EYA3: variants seen among roughly 807,000 people sequenced by gnomAD.
EYA3 encodes the protein EYA transcriptional coactivator and phosphatase 3.
EYA3 carries 39 observed loss-of-function variants against 80.0 expected under a neutral mutation model. That is an observed-to-expected ratio of 0.49 (90% CI 0.38 to 0.64). The LOEUF is 0.64. EYA3 is among the 30% of genes least tolerant of loss of function. EYA3 has a pLI of 0.00. For missense variants in EYA3, 523 were observed against 676.1 expected (o/e 0.77, Z 2.51); for synonymous variants, 206 against 232.8 (o/e 0.88, Z 1.05).
rs1045711385 is a variant in EYA3 at position 28,003,460 on chromosome 1, ACT to A, written c.993+874_993+875del. 2.6e-5 allele frequency among the ~76,000 whole-genome samples: 4 copies of A among 151,234 alleles called. No homozygotes were observed. The East Asian group carries it at 5.8e-4, about 22-fold the overall frequency. The stretch of plus-strand genomic sequence containing the variant: ...CTCCAGCCTGGGTGACAAGAGCAAG[ACT>A]CTCTCTCAAAAAACAAACAAACAAA... On this transcript the variant is annotated intron_variant, in intron 11 of 17. Transcript: ENST00000373871.
intron 6 of EYA3, among the ~76,000 whole-genome samples, chr1:28,028,777 G>T (rs779075190): frequency 2.4e-4 from 36 of 149,612 alleles, no homozygotes; most frequent in Admixed American, 4.0e-4. Flanking sequence ...GTGATTTTTT[G>T]TTGTTGTTGT....
chr1:28,007,103 G>C (rs907831629), intron 10 of EYA3, among the ~76,000 whole-genome samples: 1 of 151,404 alleles, frequency 6.6e-6, no homozygotes, highest in Non-Finnish European at 1.5e-5. Context: ...ACCAGGTCCG[G>C]CTAATTTTTT....
chr1:28,075,587 T>C (rs952184613), intron 1 of EYA3, among the ~76,000 whole-genome samples: 7 of 152,186 alleles, frequency 4.6e-5, no homozygotes, highest in Non-Finnish European at 1.0e-4. Context: ...TTGGAGGCTG[T>C]TGGTTTTCAA....
rs1055795348 is a variant in EYA3, at chr1:27,972,542, G to C, written c.*1924C>G. 6.6e-6 allele frequency: 1 copy of C among 152,258 alleles called. No homozygotes were observed. 9.4% of individuals were successfully genotyped at this position (152,258 alleles called of 1,614,324 possible). ...GCATTGGAAGGAGTCTTGCCTCTTT[G>C]TGCTGCAACATCTCTGGAAATGGGT... On this transcript the variant is annotated 3_prime_UTR_variant, in exon 18 of 18. Transcript: ENST00000373871.
intron 3 of EYA3, among the ~76,000 whole-genome samples, chr1:28,043,716 T>C (rs1643900908): frequency 6.6e-6 from 1 of 152,122 alleles, no homozygotes. Flanking sequence ...TGCACGCCTG[T>C]AGTCCCAGCT....
chr1:28,005,097 T>C (rs1641172645), intron 10 of EYA3, among the ~76,000 whole-genome samples: 1 of 152,180 alleles, frequency 6.6e-6, no homozygotes, highest in Admixed American at 6.5e-5. Flanking sequence ...AATGGTCAAA[T>C]TCCTAGAAAT....
chr1:28,004,718 A>T (rs1219399973), intron 10 of EYA3, among the ~76,000 whole-genome samples: 5 of 151,936 alleles, frequency 3.3e-5, no homozygotes, highest in African/African-American at 1.2e-4. Flanking sequence ...TATGTATTTT[A>T]TACATACATT....
In EYA3 at chr1:28,005,983, T is replaced by A. The variant is rs191180536; in HGVS notation, c.910-1564A>T. On this transcript the variant is annotated intron_variant, in intron 10 of 17. Coordinates refer to ENST00000373871, the MANE Select transcript of EYA3 (RefSeq NM_001990.4). ...AGCTGGGTGTGGTGGTGCACACTTGTAGTCCCAGCTACTTGGGAGGCTGAG... is the reference window on the plus strand; with the variant it reads ...AGCTGGGTGTGGTGGTGCACACTTGAAGTCCCAGCTACTTGGGAGGCTGAG... Among the ~76,000 whole-genome samples the A allele has an allele frequency of 6.4e-3, 974 of 151,954 alleles. 9 individuals carry two copies. The highest frequency in any genetic ancestry group is 0.022 in the African/African-American group (901 of 41,440).
intron 1 of EYA3, among the ~76,000 whole-genome samples, chr1:28,080,155 C>CA (rs11444504): frequency 0.26 from 39,796 of 151,814 alleles, 5,272 homozygotes; most frequent in Non-Finnish European, 0.28. Flanking sequence ...AACAATAAAA[C>CA]AAATAGAGGC....
At chr1:28,000,437 C>T (rs1183815881) in intron 11 of EYA3, among the ~76,000 whole-genome samples, 4 of 151,940 alleles carry the variant, frequency 2.6e-5, no homozygotes, top group Admixed American at 2.6e-4. Flanking sequence ...CTCAGCCTCC[C>T]GAGTAGCTGG....
At chr1:28,086,053 A>C (rs1345674142) in intron 1 of EYA3, among the ~76,000 whole-genome samples, 2 of 152,156 alleles carry the variant, frequency 1.3e-5, no homozygotes, top group Non-Finnish European at 2.9e-5. Context: ...TCTTATCCTA[A>C]TAGTCTCATT....
chr1:27,995,315 G>A (rs965543761), intron 13 of EYA3, among the ~76,000 whole-genome samples: 1 of 151,756 alleles, frequency 6.6e-6, no homozygotes, highest in African/African-American at 2.4e-5. Context: ...AGAAGGCTGG[G>A]GTGGGAGGAT....
intron 14 of EYA3, among the ~76,000 whole-genome samples, chr1:27,992,855 A>C (rs886215589): frequency 2.6e-5 from 4 of 152,206 alleles, no homozygotes; most frequent in Non-Finnish European, 4.4e-5. Flanking sequence ...TAATTCAAAC[A>C]ATCTATGATT....
chr1:28,033,597 A>C (rs1183956440), intron 6 of EYA3, among the ~76,000 whole-genome samples: 3 of 151,392 alleles, frequency 2.0e-5, no homozygotes, highest in Non-Finnish European at 4.4e-5. Flanking sequence ...TCAAGGTTTT[A>C]ATAGAGATCT....
At chr1:27,980,191 C>G (rs192201523) in intron 16 of EYA3, among the ~76,000 whole-genome samples, 4 of 152,174 alleles carry the variant, frequency 2.6e-5, no homozygotes, top group African/African-American at 9.7e-5. Context: ...GGACTGTAGT[C>G]CAGGTCTTAT....
intron 1 of EYA3, among the ~76,000 whole-genome samples, chr1:28,058,793 C>T (rs1361096585): frequency 1.3e-5 from 2 of 152,170 alleles, no homozygotes; most frequent in Non-Finnish European, 2.9e-5. Context: ...CTCTTTCTGT[C>T]CTGATTTTCA....
rs143637921 is a variant in EYA3, at chr1:28,035,565, T to C, written c.340A>G (p.Thr114Ala). 4.3e-6 allele frequency: 7 copies of C among 1,613,830 alleles called. No homozygotes were observed. Among genetic ancestry groups the C allele is most frequent in the African/African-American group, 1.3e-5 (1 of 74,870 alleles). ...TTACCAAAAGGAGGTAGTCCATACG[T>C]TTGGGTTGCCTGAGGGTAGACAGCA... ...PYAVYPQATQ[T>A]YGLPPFGALW... The change falls in exon 6 of 18, where the codon ACG becomes GCG. Residue 114 changes from threonine (T) to alanine (A), a missense_variant. Transcript: ENST00000373871.
chr1:28,020,366 T>G (rs1030435624), intron 7 of EYA3, among the ~76,000 whole-genome samples: 7 of 152,132 alleles, frequency 4.6e-5, no homozygotes, highest in African/African-American at 1.4e-4. Flanking sequence ...CTAAGCCAAA[T>G]TATTTCTAAC....
chr1:28,016,499 A>G (rs1004264492), intron 8 of EYA3, among the ~76,000 whole-genome samples: 1 of 150,338 alleles, frequency 6.7e-6, no homozygotes, highest in East Asian at 2.0e-4. Context: ...ACTGTACTCC[A>G]GCCTGGGCGA....
Sources: allele counts gnomAD v4.1 joint callset (sites outside exome capture counted in the v4.1 genomes callset), GRCh38; gene constraint gnomAD v4.1.1; transcripts MANE v1.5; gene names NCBI Gene and HGNC (gene_info 2026-07-23, HGNC 2026-07-21).